The following HDLBP variants were observed in gnomAD, a reference collection of about 807,000 sequenced individuals.
The protein encoded by HDLBP is vigilin.
HDLBP carries 30 observed loss-of-function variants against 137.3 expected under a neutral mutation model. The ratio of observed to expected loss-of-function variants is 0.22; its 90% confidence interval spans 0.16 to 0.30. The LOEUF (loss-of-function observed/expected upper bound fraction) is 0.30. Ranked by LOEUF, HDLBP falls within the 10% of genes least tolerant of loss-of-function variation. HDLBP has a pLI of 1.00. For missense variants in HDLBP, 1,119 were observed against 1,667.3 expected (o/e 0.67, Z 5.73); for synonymous variants, 606 against 596.0 (o/e 1.02, Z -0.24).
chr2:241,235,361 A>T, intron 22 of HDLBP, 106 bp from the exon 23 acceptor site: 1 of 1,544,122 alleles, frequency 6.5e-7, no homozygotes, highest in Non-Finnish European at 8.9e-7. Context: ...ACCCGCCGTG[A>T]AGGGAAGTCA....
At chr2:241,305,218 G>C (rs1014562585) in intron 1 of HDLBP, among the ~76,000 whole-genome samples, 1 of 152,200 alleles carries the variant, frequency 6.6e-6, no homozygotes, top group African/African-American at 2.4e-5. Flanking sequence ...CCAACTCCTG[G>C]GTTAAAGTTA....
chr2:241,256,583 A>G lies in HDLBP; in HGVS notation c.657+17T>C, dbSNP rs1218155105. ...AAGCAGGTAGGCAGGGGCACGAGGC[A>G]CTCACACAGGCCTCACCTGCTCGGC... On this transcript the variant is annotated intron_variant, in intron 6 of 27. Coordinates refer to ENST00000310931, the MANE Select transcript of HDLBP (RefSeq NM_005336.6). The G allele has an allele frequency of 6.2e-7, 1 of 1,611,504 alleles. No homozygotes were observed.
intron 1 of HDLBP, among the ~76,000 whole-genome samples, chr2:241,304,073 G>T (rs991870860): frequency 1.2e-4 from 18 of 152,206 alleles, no homozygotes; most frequent in African/African-American, 4.1e-4. Flanking sequence ...CAGCTTCCCA[G>T]AATGCTGGGA....
Position 241,236,989 on chromosome 2 carries a change from G to T in HDLBP, c.2750-220C>A, listed in dbSNP as rs958427301. 4.7e-5 allele frequency among the ~76,000 whole-genome samples: 7 copies of T among 150,352 alleles called. No individual in the cohort carries two copies. In the East Asian group the frequency reaches 5.8e-4, roughly 12 times the overall value. On this transcript the variant is annotated intron_variant, in intron 20 of 27. Transcript: ENST00000310931. ...GGCTCCCAGACCTTGGGGGGGGGGG[G>T]GGGGGCGGCAATGAAGGCTTTGCCG... is the stretch of plus-strand genomic sequence containing the variant.
At position 241,276,076 on chromosome 2, in the gene HDLBP, CAAAAT is replaced by C. The variant is rs536746545; in HGVS notation, c.-102-7540_-102-7536del. Among the ~76,000 whole-genome samples the C allele has an allele frequency of 7.1e-3, 1,072 of 151,818 alleles. 5 individuals are homozygous for C. The highest frequency in any genetic ancestry group is 0.011 in the Non-Finnish European group (737 of 67,882). ...GGTACGTAAGCAGAATATGCAAGTA[CAAAAT>C]AAAATAAAAGACAGAATTAAAATGC... is the stretch of plus-strand genomic sequence containing the variant. On this transcript the variant is annotated intron_variant, in intron 1 of 27. Transcript: ENST00000310931.
In HDLBP at chr2:241,308,256, G is replaced by A. The variant is rs74000627; in HGVS notation, c.-103+7314C>T. On this transcript the variant is annotated intron_variant, in intron 1 of 27. Coordinates refer to ENST00000310931, the MANE Select transcript of HDLBP (RefSeq NM_005336.6). ...AGATCAAACTAATCACAACCAATCC[G>A]TCGTCCACCTTTCTACCAGTGTTTC... Among the ~76,000 whole-genome samples, 884 of 152,226 alleles carry A rather than the reference G, an allele frequency of 5.8e-3. 9 individuals are homozygous for A. The highest frequency in any genetic ancestry group is 0.02 in the African/African-American group (830 of 41,540).
chr2:241,290,052 A>G (rs1220363893), intron 1 of HDLBP, among the ~76,000 whole-genome samples: 1 of 152,224 alleles, frequency 6.6e-6, no homozygotes, highest in East Asian at 1.9e-4. Flanking sequence ...ACATAGCATA[A>G]AAGGTAGAAG....
At chr2:241,298,922 T>A (rs148212031) in intron 1 of HDLBP, among the ~76,000 whole-genome samples, 4 of 152,374 alleles carry the variant, frequency 2.6e-5, no homozygotes, top group African/African-American at 9.6e-5. Flanking sequence ...TAAAGAGATC[T>A]GACAATGAAC....
At chr2:241,249,215 C>T (rs1419120843) in intron 12 of HDLBP, 1 of 432,150 alleles carries the variant, frequency 2.3e-6, no homozygotes, top group Non-Finnish European at 4.8e-6. Flanking sequence ...AACAAAGAAT[C>T]CCCTAAGCGA....
At chr2:241,314,138 G>A (rs780944078) in intron 1 of HDLBP, among the ~76,000 whole-genome samples, 1 of 152,284 alleles carries the variant, frequency 6.6e-6, no homozygotes, top group East Asian at 1.9e-4. Flanking sequence ...CCAAATGATG[G>A]AAATAATTCT....
intron 1 of HDLBP, among the ~76,000 whole-genome samples, chr2:241,299,947 G>C (rs1417137888): frequency 6.6e-6 from 1 of 152,018 alleles, no homozygotes; most frequent in Non-Finnish European, 1.5e-5. Context: ...GACTATATCT[G>C]TTTAATCACG....
chr2:241,259,756 T>C (rs568255915), intron 5 of HDLBP, among the ~76,000 whole-genome samples: 4 of 152,196 alleles, frequency 2.6e-5, no homozygotes, highest in South Asian at 2.1e-4. Flanking sequence ...ATTACAGGCG[T>C]GAGAGTCACC....
At position 241,240,440 on chromosome 2, in the gene HDLBP, G is replaced by A. The variant is rs970247758; in HGVS notation, c.2170-318C>T. Among the ~76,000 whole-genome samples the A allele has an allele frequency of 6.6e-6, 1 of 152,188 alleles. No homozygotes were observed. Among genetic ancestry groups the A allele is most frequent in the Non-Finnish European group, 1.5e-5 (1 of 68,038 alleles). ...CCATTTTTGATCTGCACAGGGGGAG[G>A]TGGGAGCAACGCGCCGGACGATATG... On this transcript the variant is annotated intron_variant, in intron 17 of 27. Coordinates refer to ENST00000310931, the MANE Select transcript of HDLBP (RefSeq NM_005336.6). This position sits in a 1 kb window ranked among gnomAD's most constrained non-coding sequence, Gnocchi z 5.5.
chr2:241,305,493 A>AC (rs1429346995), intron 1 of HDLBP, among the ~76,000 whole-genome samples: 1 of 152,084 alleles, frequency 6.6e-6, no homozygotes. Context: ...TCAAGGACTG[A>AC]CCCTTTACAG....
chr2:241,250,827 G>A (rs2072081612), intron 11 of HDLBP: 2 of 152,162 alleles, frequency 1.3e-5, no homozygotes, highest in South Asian at 2.1e-4. Context: ...CTGGGCAGCA[G>A]GTTTTTTTAG....
At chr2:241,262,591 C>A in intron 5 of HDLBP, 120 bp downstream of exon 5, 1 of 707,306 alleles carries the variant, frequency 1.4e-6, no homozygotes, top group Non-Finnish European at 2.4e-6. Flanking sequence ...TGTCCTACCT[C>A]CAAAAGACGG....
intron 5 of HDLBP, among the ~76,000 whole-genome samples, chr2:241,260,081 G>A (rs991064883): frequency 6.6e-6 from 1 of 152,142 alleles, no homozygotes; most frequent in African/African-American, 2.4e-5. Flanking sequence ...TTGGCTCACT[G>A]CAACCTCTGC....
At chr2:241,259,534 G>C (rs956196419) in intron 5 of HDLBP, among the ~76,000 whole-genome samples, 41 of 141,356 alleles carry the variant, frequency 2.9e-4, no homozygotes, top group Admixed American at 1.1e-3. Context: ...TGTCACCCAG[G>C]CTGGGCTGTG....
intron 24 of HDLBP, among the ~76,000 whole-genome samples, chr2:241,231,750 T>C (rs2069787613): frequency 6.6e-6 from 1 of 151,834 alleles, no homozygotes; most frequent in South Asian, 2.1e-4. Context: ...ATACCAGACT[T>C]GGGATAGCAG....
Sources: gnomAD v4.1 joint callset for allele counts (sites outside exome capture counted in the v4.1 genomes callset) on GRCh38, gnomAD v4.1.1 for gene constraint, Gnocchi (gnomAD v3.1) non-coding constraint, MANE v1.5 for transcripts, NCBI Gene and HGNC (gene_info 2026-07-23, HGNC 2026-07-21) for gene names.